The following PIBF1 variants were observed in gnomAD, a reference collection of about 807,000 sequenced individuals.
PIBF1 encodes progesterone immunomodulatory binding factor 1.
Under a neutral mutation model 112.5 loss-of-function variants are expected in PIBF1, and 90 were observed. That is an observed-to-expected ratio of 0.80 (90% confidence interval 0.67 to 0.95). PIBF1 has a LOEUF of 0.95. Ranked by LOEUF, PIBF1 falls within the 40% of genes least tolerant of loss-of-function variation. The pLI is 0.00. For synonymous variants in PIBF1, 301 were observed against 288.6 expected, an observed-to-expected ratio of 1.04 and a Z score of -0.44; for missense variants, 915 against 852.3, an observed-to-expected ratio of 1.07 and a Z score of -0.92.
Position 72,834,960 on chromosome 13 carries a change from AGT to A in PIBF1, c.1098-280_1098-279del, listed in dbSNP as rs528647637. ...CCATATGCATTAAAACTACTAGAAAAGTGTTTTGGAAGATGAATAATTATCCC... is the reference window on the plus strand; with the variant it reads ...CCATATGCATTAAAACTACTAGAAAAGTTTTGGAAGATGAATAATTATCCC... On this transcript the variant is annotated intron_variant, in intron 8 of 17. Coordinates refer to ENST00000326291, the MANE Select transcript of PIBF1 (RefSeq NM_006346.4). Among the ~76,000 whole-genome samples the A allele has an allele frequency of 5.2e-3, 787 of 152,332 alleles. 9 individuals carry two copies. Among genetic ancestry groups the A allele is most frequent in the Non-Finnish European group, 9.2e-3 (628 of 68,032 alleles).
At chr13:72,948,353 T>C (rs1195225250) in intron 14 of PIBF1, among the ~76,000 whole-genome samples, 1 of 152,200 alleles carries the variant, frequency 6.6e-6, no homozygotes, top group Non-Finnish European at 1.5e-5. Context: ...GAGTGACCTT[T>C]ACTCCAGTTC....
intron 17 of PIBF1, among the ~76,000 whole-genome samples, chr13:73,005,454 G>A (rs4885056): frequency 0.77 from 116,322 of 151,176 alleles, 45,050 homozygotes; most frequent in East Asian, 0.86. Flanking sequence ...ACCCTGGATG[G>A]CAGAACAAGA....
rs976193957 is a variant in PIBF1, at chr13:73,013,747, A to G, written c.2224-2122A>G. Among the ~76,000 whole-genome samples, 24 of 145,726 alleles carry G rather than the reference A, an allele frequency of 1.6e-4. No individual in the cohort carries two copies. In the East Asian group the frequency reaches 3.5e-3, roughly 21 times the overall value. ...AGCCTATCTCAAAAAAAAAAAAAAA[A>G]AAAAAAGAAAAAGAAAAAATCCTGA... On this transcript the variant is annotated intron_variant, in intron 17 of 17. Transcript: ENST00000326291.
At chr13:72,850,959 G>A (rs953320537) in intron 9 of PIBF1, among the ~76,000 whole-genome samples, 11 of 152,210 alleles carry the variant, frequency 7.2e-5, no homozygotes, top group African/African-American at 2.6e-4. Flanking sequence ...CTATACTCCA[G>A]CATTTCTGAA....
At chr13:72,994,516 C>T (rs144709745) in intron 16 of PIBF1, among the ~76,000 whole-genome samples, 1 of 152,260 alleles carries the variant, frequency 6.6e-6, no homozygotes, top group East Asian at 1.9e-4. Flanking sequence ...ATCACAGTTT[C>T]CTTTTCTGTA....
intron 13 of PIBF1, among the ~76,000 whole-genome samples, chr13:72,929,945 G>A (rs192255747): frequency 1.8e-4 from 28 of 152,078 alleles, no homozygotes; most frequent in Non-Finnish European, 2.4e-4. Context: ...CTGTAACCTC[G>A]AACTCCTGGG....
chr13:72,996,186 G>A (rs1458507950), intron 16 of PIBF1, among the ~76,000 whole-genome samples: 1 of 124,862 alleles, frequency 8.0e-6, no homozygotes, highest in African/African-American at 3.0e-5. Context: ...CATATAAAGA[G>A]CTCCTTGAAA....
intron 17 of PIBF1, among the ~76,000 whole-genome samples, chr13:73,010,810 C>CTTTTTCT (rs2044174823): frequency 1.2e-4 from 5 of 40,282 alleles, no homozygotes; most frequent in African/African-American, 3.8e-4. Context: ...ATTAACTTTT[C>CTTTTTCT]TTTTTTTTTT....
chr13:72,805,262 C>T (rs1300894770), intron 5 of PIBF1, among the ~76,000 whole-genome samples: 3 of 152,224 alleles, frequency 2.0e-5, no homozygotes, highest in African/African-American at 7.2e-5. Context: ...CCTGCCTCAA[C>T]CTCCCGAGTA....
At chr13:72,882,431 C>G (rs1027076557) in intron 10 of PIBF1, among the ~76,000 whole-genome samples, 4 of 152,072 alleles carry the variant, frequency 2.6e-5, no homozygotes, top group Non-Finnish European at 4.4e-5. Context: ...CAAAAATGGA[C>G]AAATGGGATA....
In PIBF1 at chr13:72,931,144, TTTC is replaced by T. The variant is rs777789321; in HGVS notation, c.1731-18_1731-16del. On this transcript the variant is annotated intron_variant, in intron 13 of 17. Transcript: ENST00000326291. ...CAGTATTTCACTTTTAAGCATTAAT[TTTC>T]TTATTTCATTTGCCTAGTGTTCACT... 9 of 1,468,200 alleles carry T rather than the reference TTTC, an allele frequency of 6.1e-6. No homozygotes were observed. The highest frequency in any genetic ancestry group is 1.4e-5 in the African/African-American group (1 of 71,300). 90.9% of individuals were successfully genotyped at this position (1,468,200 alleles called of 1,614,324 possible). A position where few individuals can be genotyped will look rare whatever the true frequency, so the allele number is the denominator to read the frequency against.
At chr13:72,843,533 T>C (rs561832508) in intron 9 of PIBF1, among the ~76,000 whole-genome samples, 2 of 152,308 alleles carry the variant, frequency 1.3e-5, no homozygotes, top group Non-Finnish European at 2.9e-5. Context: ...TGCCTCAGCC[T>C]CCCAGGTAGC....
chr13:72,823,655 G>A lies in PIBF1; in HGVS notation c.806+1673G>A, dbSNP rs1376103790. 8.5e-5 allele frequency among the ~76,000 whole-genome samples: 13 copies of A among 152,222 alleles called. No homozygotes were observed. In the East Asian group the frequency reaches 2.5e-3, roughly 29 times the overall value. On this transcript the variant is annotated intron_variant, in intron 6 of 17. Coordinates refer to ENST00000326291, the MANE Select transcript of PIBF1 (RefSeq NM_006346.4). Reference sequence around the variant, plus strand: ...TGTCATTATTAAAAGAAATTCAAATGCTTTTCAGTAGCAGAATGGAAAATA... The same window carrying A: ...TGTCATTATTAAAAGAAATTCAAATACTTTTCAGTAGCAGAATGGAAAATA...
chr13:72,834,500 A>G (rs1239244052), intron 8 of PIBF1, among the ~76,000 whole-genome samples: 6 of 152,162 alleles, frequency 3.9e-5, no homozygotes, highest in African/African-American at 7.2e-5. Context: ...AATGTCAAGC[A>G]CATGTAGTCC....
intron 15 of PIBF1, among the ~76,000 whole-genome samples, chr13:72,971,822 A>G (rs1354856752): frequency 6.6e-6 from 1 of 152,072 alleles, no homozygotes; most frequent in African/African-American, 2.4e-5. Flanking sequence ...AATTGCATCT[A>G]GTCCGTCTCC....
chr13:72,989,086 A>G (rs2043392528), intron 16 of PIBF1, among the ~76,000 whole-genome samples: 1 of 152,208 alleles, frequency 6.6e-6, no homozygotes, highest in Non-Finnish European at 1.5e-5. Flanking sequence ...GTGTTAATAT[A>G]TATCAGGGGG....
chr13:72,998,572 A>G (rs2043755696), intron 16 of PIBF1, among the ~76,000 whole-genome samples: 1 of 152,218 alleles, frequency 6.6e-6, no homozygotes, highest in South Asian at 2.1e-4. Context: ...TTGAAGCTCC[A>G]CAGGTGATTT....
rs1339224294 is a variant in PIBF1, at chr13:72,960,819, G to T, written c.1834-4455G>T. ...TTTATTTTTGTCCAGCTGCATATTT[G>T]AATGTTCATAAAGTAACTTAGTAAA... is the stretch of plus-strand genomic sequence containing the variant. On this transcript the variant is annotated intron_variant, in intron 14 of 17. Transcript: ENST00000326291. Among the ~76,000 whole-genome samples, 4 of 152,088 alleles carry T rather than the reference G, an allele frequency of 2.6e-5. No individual in the cohort carries two copies. In the East Asian group the frequency reaches 7.7e-4, roughly 29 times the overall value.
chr13:72,917,253 G>A (rs2138695780), intron 13 of PIBF1, 87 bp downstream of exon 13: 1 of 664,192 alleles, frequency 1.5e-6, no homozygotes. Flanking sequence ...TGAGTTCAGT[G>A]ACAAAGTCCT....
Sources: gnomAD v4.1 joint callset for allele counts (sites outside exome capture counted in the v4.1 genomes callset) on GRCh38, gnomAD v4.1.1 for gene constraint, MANE v1.5 for transcripts, NCBI Gene and HGNC (gene_info 2026-07-23, HGNC 2026-07-21) for gene names.